The following DIP2C variants were observed in gnomAD, a reference collection of about 807,000 sequenced individuals.
DIP2C encodes disco-interacting protein 2 homolog C.
Under a neutral mutation model 192.4 loss-of-function variants are expected in DIP2C, and 33 were observed. The ratio of observed to expected loss-of-function variants is 0.17; its 90% CI spans 0.13 to 0.23. The LOEUF (loss-of-function observed/expected upper bound fraction) is 0.23, where lower values mean the gene tolerates loss of function less well. Among genes scored for constraint, DIP2C ranks in the 10% least tolerant of loss-of-function variants. The probability of loss-of-function intolerance (pLI) is 1.00; values close to 1 mark genes in which losing one functional copy is unlikely to be tolerated. For synonymous variants in DIP2C, 979 were observed against 864.1 expected, an observed-to-expected ratio of 1.13 and a Z score of -2.33; for missense variants, 1,537 against 2,110.1, an observed-to-expected ratio of 0.73 and a Z score of 5.32.
chr10:636,853 C>T lies in DIP2C; in HGVS notation c.85+52641G>A, dbSNP rs1398090697. 6.6e-6 allele frequency among the ~76,000 whole-genome samples: 1 copy of T among 152,230 alleles called. No homozygotes were observed. The highest frequency in any genetic ancestry group is 1.5e-5 in the Non-Finnish European group (1 of 68,036). ...AGTTTCAGTCTCGAGGCGCAATCACCTTCCGTCATACACTTCTCAGCAGCT... is the reference window on the plus strand; with the variant it reads ...AGTTTCAGTCTCGAGGCGCAATCACTTTCCGTCATACACTTCTCAGCAGCT... On this transcript the variant is annotated intron_variant, in intron 1 of 36. Coordinates refer to ENST00000280886, the MANE Select transcript of DIP2C (RefSeq NM_014974.3). This position sits in a 1 kb window ranked among gnomAD's most constrained non-coding sequence, Gnocchi z 4.6.
Position 532,720 on chromosome 10 carries a change from T to A in DIP2C, c.86-46190A>T, listed in dbSNP as rs61831029. 1.3e-3 allele frequency among the ~76,000 whole-genome samples: 132 copies of A among 105,236 alleles called. 12 individuals carry two copies. In the East Asian group the frequency reaches 0.024, roughly 19 times the overall value. The allele number at this position is 105,236 out of a possible 152,430, so 69.0% of individuals were successfully genotyped here. ...ATGGGTGTGAGAGAGAGTATGGGTG[T>A]GAGAGAGAGTATGGGTGTGAGAGAG... On this transcript the variant is annotated intron_variant, in intron 1 of 36. Transcript: ENST00000280886.
At chr10:654,355 G>A (rs542201983) in intron 1 of DIP2C, among the ~76,000 whole-genome samples, 1 of 152,298 alleles carries the variant, frequency 6.6e-6, no homozygotes, top group South Asian at 2.1e-4. Context: ...AGTCATTTAG[G>A]TGCAGGATGA....
chr10:275,869 C>T lies in DIP2C; in HGVS notation c.*1456G>A, dbSNP rs975192250. 9.8e-5 allele frequency: 15 copies of T among 152,298 alleles called. No individual in the cohort carries two copies. The highest frequency in any genetic ancestry group is 3.4e-4 in the African/African-American group (14 of 41,566). 9.4% of individuals were successfully genotyped at this position (152,298 alleles called of 1,614,324 possible). The stretch of plus-strand genomic sequence containing the variant: ...CAGCTGGAGGACTTCTTGCTTCAGC[C>T]GGAGCTCTGGCATGAACCCCCGGGG... On this transcript the variant is annotated 3_prime_UTR_variant, in exon 37 of 37. Coordinates refer to ENST00000280886, the MANE Select transcript of DIP2C (RefSeq NM_014974.3).
intron 1 of DIP2C, among the ~76,000 whole-genome samples, chr10:609,454 GACTA>G (rs1277550902): frequency 6.6e-6 from 1 of 152,294 alleles, no homozygotes; most frequent in East Asian, 1.9e-4. Context: ...TATCAGGGCT[GACTA>G]ACATTCAATC....
chr10:549,179 C>T (rs1487618679), intron 1 of DIP2C, among the ~76,000 whole-genome samples: 12 of 152,170 alleles, frequency 7.9e-5, no homozygotes, highest in African/African-American at 2.9e-4. Flanking sequence ...CAAATTCAAT[C>T]AACTGCTAAG....
At chr10:286,914 T>G (rs1450635495) in intron 33 of DIP2C, among the ~76,000 whole-genome samples, 2 of 152,140 alleles carry the variant, frequency 1.3e-5, no homozygotes, top group African/African-American at 4.8e-5. Flanking sequence ...AATGATATAG[T>G]AGGCAGCTGC....
chr10:676,086 A>C (rs1413338729), intron 1 of DIP2C, among the ~76,000 whole-genome samples: 1 of 152,254 alleles, frequency 6.6e-6, no homozygotes, highest in Non-Finnish European at 1.5e-5. Context: ...GATTTCTCCC[A>C]GGATGCAAGG....
chr10:451,783 C>G (rs377753551), intron 3 of DIP2C, among the ~76,000 whole-genome samples: 1 of 152,090 alleles, frequency 6.6e-6, no homozygotes, highest in African/African-American at 2.4e-5. Context: ...AGCACACACA[C>G]CACCCTCTAA....
rs369126108 is a variant in DIP2C at position 338,336 on chromosome 10, G to T, written c.3584+2863C>A. On this transcript the variant is annotated intron_variant, in intron 29 of 36. Transcript: ENST00000280886. ...GTGTGCAGTCGTGTCCTGGCCTCACGTTCAGGTGCCGCTTACTCACCAACT... is the reference window on the plus strand; with the variant it reads ...GTGTGCAGTCGTGTCCTGGCCTCACTTTCAGGTGCCGCTTACTCACCAACT... Among the ~76,000 whole-genome samples, 22 of 152,100 alleles carry T rather than the reference G, an allele frequency of 1.4e-4. 1 individual carries two copies. The South Asian group carries it at 4.0e-3, about 27-fold the overall frequency.
chr10:285,071 T>G (rs1242717373), intron 34 of DIP2C, among the ~76,000 whole-genome samples: 1 of 146,462 alleles, frequency 6.8e-6, no homozygotes, highest in African/African-American at 2.5e-5. Flanking sequence ...TAAAGGAAAC[T>G]CCTAAGTGAG....
intron 29 of DIP2C, among the ~76,000 whole-genome samples, chr10:333,978 C>T (rs537313299): frequency 7.9e-5 from 12 of 152,138 alleles, no homozygotes; most frequent in South Asian, 2.1e-4. Flanking sequence ...ATCTCTTGCC[C>T]GTGTTTATGT....
At chr10:480,025 G>T (rs1395766590) in intron 2 of DIP2C, among the ~76,000 whole-genome samples, 1 of 145,740 alleles carries the variant, frequency 6.9e-6, no homozygotes, top group Non-Finnish European at 1.5e-5. Context: ...CTGGATGAGG[G>T]TTCTCATCCG....
chr10:326,090 A>G (rs1689708803), intron 31 of DIP2C, among the ~76,000 whole-genome samples: 1 of 151,944 alleles, frequency 6.6e-6, no homozygotes, highest in South Asian at 2.1e-4. Context: ...CTGAGGTGGG[A>G]GGGTTGCTTG....
chr10:315,107 C>T lies in DIP2C; in HGVS notation c.3925-5015G>A, dbSNP rs143502752. Among the ~76,000 whole-genome samples, 296 of 152,314 alleles carry T rather than the reference C, an allele frequency of 1.9e-3. 1 individual carries two copies. The highest frequency in any genetic ancestry group is 6.6e-3 in the African/African-American group (273 of 41,554). On this transcript the variant is annotated intron_variant, in intron 31 of 36. Transcript: ENST00000280886. Reference sequence around the variant, plus strand: ...TGATTTATTGCATTCTATCTTCACACAGTGTTATGTGCTATGAAAATGAAG... The same window carrying T: ...TGATTTATTGCATTCTATCTTCACATAGTGTTATGTGCTATGAAAATGAAG...
rs538038064 is a variant in DIP2C, at chr10:483,847, C to T, written c.157+2612G>A. On this transcript the variant is annotated intron_variant, in intron 2 of 36. Coordinates refer to ENST00000280886, the MANE Select transcript of DIP2C (RefSeq NM_014974.3). The stretch of plus-strand genomic sequence containing the variant: ...ATTTTTTTTTTTTGAGACAGGGTCT[C>T]GCTCTGTCCCCCAGGCTGGAACACA... Among the ~76,000 whole-genome samples the T allele has an allele frequency of 4.1e-4, 63 of 152,064 alleles. 1 individual carries two copies. In the South Asian group the frequency reaches 0.013, roughly 32 times the overall value.
At chr10:569,784 G>C (rs890661115) in intron 1 of DIP2C, among the ~76,000 whole-genome samples, 29 of 152,144 alleles carry the variant, frequency 1.9e-4, no homozygotes, top group African/African-American at 6.8e-4. Context: ...GGGGTAGGGA[G>C]GAGAGAGGAT....
intron 1 of DIP2C, among the ~76,000 whole-genome samples, chr10:590,059 A>G (rs978646028): frequency 4.6e-5 from 7 of 152,250 alleles, no homozygotes; most frequent in Non-Finnish European, 8.8e-5. Context: ...CACATCACAC[A>G]GGGCCTGTGG....
intron 1 of DIP2C, among the ~76,000 whole-genome samples, chr10:522,123 G>T (rs568318744): frequency 1.3e-5 from 2 of 149,604 alleles, no homozygotes; most frequent in Non-Finnish European, 3.0e-5. Context: ...GCTGCTGACG[G>T]TTTTACTGTC....
chr10:556,272 ACCCCT>A (rs1848865302), intron 1 of DIP2C, among the ~76,000 whole-genome samples: 2 of 6,178 alleles, frequency 3.2e-4, no homozygotes, highest in Non-Finnish European at 6.0e-4. Flanking sequence ...GACGGCACCC[ACCCCT>A]CCCACAGCCG....
Sources: allele counts gnomAD v4.1 joint callset (sites outside exome capture counted in the v4.1 genomes callset), GRCh38; gene constraint gnomAD v4.1.1; non-coding constraint Gnocchi (gnomAD v3.1); transcripts MANE v1.5; gene names NCBI Gene and HGNC (gene_info 2026-07-23, HGNC 2026-07-21).